The following SOS1 variants were observed in gnomAD, a reference collection of about 807,000 sequenced individuals.
The protein encoded by SOS1 is SOS Ras/Rac guanine nucleotide exchange factor 1.
In SOS1, 25 loss-of-function variants were observed where a neutral mutation model predicts 157.6. The observed-to-expected ratio is 0.16, with a 90% CI of 0.12 to 0.22. The LOEUF is 0.22. SOS1 is among the 10% of genes least tolerant of loss of function. The probability of loss-of-function intolerance (pLI) is 1.00; values close to 1 mark genes in which losing one functional copy is unlikely to be tolerated. For missense variants in SOS1, 1,237 were observed against 1,599.1 expected (o/e 0.77, Z 3.86); for synonymous variants, 528 against 534.0 (o/e 0.99, Z 0.16).
intron 1 of SOS1, among the ~76,000 whole-genome samples, chr2:39,110,412 T>C (rs977537544): frequency 9.2e-5 from 13 of 141,140 alleles, no homozygotes; most frequent in Non-Finnish European, 1.6e-4. Context: ...GAGGACTGAC[T>C]GCATATATAC....
intron 1 of SOS1, among the ~76,000 whole-genome samples, chr2:39,077,438 T>C (rs113759667): frequency 0.01 from 1,597 of 152,294 alleles, 9 homozygotes; most frequent in Middle Eastern, 0.027. Context: ...AAGATGTCAA[T>C]TGTCCTATAC....
intron 1 of SOS1, among the ~76,000 whole-genome samples, chr2:39,094,352 A>G (rs1212276765): frequency 6.6e-6 from 1 of 152,126 alleles, no homozygotes; most frequent in African/African-American, 2.4e-5. Context: ...ATAATTTTTT[A>G]AGAGTGTGAA....
chr2:39,027,137 T>C (rs957385009), intron 8 of SOS1, among the ~76,000 whole-genome samples: 2 of 152,236 alleles, frequency 1.3e-5, no homozygotes, highest in African/African-American at 4.8e-5. Context: ...CCTGGATACA[T>C]TTTTTATATT....
At chr2:39,101,651 A>T (rs534632399) in intron 1 of SOS1, among the ~76,000 whole-genome samples, 5 of 149,656 alleles carry the variant, frequency 3.3e-5, no homozygotes, top group South Asian at 2.1e-4. Flanking sequence ...AAATATACTT[A>T]AAAAAAAACA....
intron 10 of SOS1, among the ~76,000 whole-genome samples, chr2:39,020,971 A>T (rs534396762): frequency 4.3e-5 from 6 of 138,698 alleles, no homozygotes; most frequent in South Asian, 2.2e-4. Context: ...TTTTAAAAAC[A>T]TTTTTTTTAA....
chr2:39,109,363 T>A (rs1200475285), intron 1 of SOS1, among the ~76,000 whole-genome samples: 3 of 152,178 alleles, frequency 2.0e-5, no homozygotes, highest in Non-Finnish European at 2.9e-5. Context: ...TTAACCAGCA[T>A]CTTTTAAAAT....
upstream of SOS1, among the ~76,000 whole-genome samples, chr2:39,121,933 C>A (rs1407214523): frequency 1.3e-5 from 2 of 152,108 alleles, no homozygotes; most frequent in Non-Finnish European, 2.9e-5. Flanking sequence ...CTCATTTAAT[C>A]CCCATAGCAA....
In SOS1 at chr2:38,985,960, C is replaced by T; in HGVS notation, c.3866G>A (p.Gly1289Glu). 26 of 1,613,844 alleles carry T rather than the reference C, an allele frequency of 1.6e-5. No homozygotes were observed. Among genetic ancestry groups the T allele is most frequent in the Non-Finnish European group, 2.2e-5 (26 of 1,179,860 alleles). ...GCTTTGTCGTGGAGGAACAGGCGGC[C>T]CAGCAATGGAATGAAGGTCCACTTC... The part of the protein sequence containing the change: ...TQEVDLHSIA[G>E]PPVPPRQSTS... Residue 1289 changes from glycine to glutamate, a missense_variant, in exon 23 of 23, where the codon GGG (glycine) becomes GAG (glutamate). Physicochemically the swap from Gly to Glu is moderately conservative, Grantham distance 98. Coordinates refer to ENST00000402219, the MANE Select transcript of SOS1 (RefSeq NM_005633.4).
intron 1 of SOS1, among the ~76,000 whole-genome samples, chr2:39,090,045 C>T (rs1194771246): frequency 2.7e-5 from 4 of 150,502 alleles, no homozygotes; most frequent in African/African-American, 9.8e-5. Flanking sequence ...GAGGCTGAGG[C>T]CAGAGAATCA....
At chr2:39,005,353 T>A (rs987916522) in intron 17 of SOS1, among the ~76,000 whole-genome samples, 1 of 152,208 alleles carries the variant, frequency 6.6e-6, no homozygotes, top group African/African-American at 2.4e-5. Context: ...AGAAAAATAG[T>A]ATAAATGAAA....
rs368569135 is a variant in SOS1 at position 39,120,324 on chromosome 2, C to A, written c.87+12G>T. ...GCTGCGGCCGGGAAGCGGGGTCCCG[C>A]GTGCTCCTCACCTTTTTCAGCGCAG... is the stretch of plus-strand genomic sequence containing the variant. On this transcript the variant is annotated intron_variant, in intron 1 of 22. Transcript: ENST00000402219. The A allele has an allele frequency of 5.7e-6, 9 of 1,569,084 alleles. No homozygotes were observed. Among genetic ancestry groups the A allele is most frequent in the African/African-American group, 1.4e-5 (1 of 72,490 alleles).
chr2:39,022,118 C>G (rs1156858255), intron 10 of SOS1, among the ~76,000 whole-genome samples: 1 of 151,400 alleles, frequency 6.6e-6, no homozygotes, highest in Non-Finnish European at 1.5e-5. Flanking sequence ...ATTAAATAAT[C>G]AGGTTTAGGA....
intron 15 of SOS1, among the ~76,000 whole-genome samples, chr2:39,007,844 C>G (rs1352557049): frequency 2.0e-5 from 3 of 152,130 alleles, no homozygotes; most frequent in African/African-American, 7.2e-5. Flanking sequence ...TGCACACGCA[C>G]ACACACACAT....
intron 6 of SOS1, among the ~76,000 whole-genome samples, chr2:39,050,084 T>A (rs1171882185): frequency 6.6e-6 from 1 of 152,178 alleles, no homozygotes; most frequent in African/African-American, 2.4e-5. Flanking sequence ...TACTTATGTG[T>A]GTTTGGAGCA....
chr2:39,099,362 A>T (rs1672885214), intron 1 of SOS1, among the ~76,000 whole-genome samples: 1 of 152,226 alleles, frequency 6.6e-6, no homozygotes, highest in Non-Finnish European at 1.5e-5. Context: ...ACTACATATT[A>T]TGAGTCCATT....
chr2:39,112,213 T>G (rs536988292), intron 1 of SOS1, among the ~76,000 whole-genome samples: 1 of 152,238 alleles, frequency 6.6e-6, no homozygotes, highest in African/African-American at 2.4e-5. Flanking sequence ...TGCAACCAAC[T>G]GTCTTCTCTC....
In SOS1 at chr2:39,059,415, A is replaced by T. The variant is rs954812911; in HGVS notation, c.214-611T>A. Among the ~76,000 whole-genome samples the T allele has an allele frequency of 3.3e-5, 5 of 152,310 alleles. 1 individual carries two copies. In the South Asian group the frequency reaches 1.0e-3, roughly 32 times the overall value. On this transcript the variant is annotated intron_variant, in intron 2 of 22. Transcript: ENST00000402219. Reference sequence around the variant, plus strand: ...TTCTTTAGTTAAAATTTCCACTGAGAGTGAAAGAACTCAGGTTACTATCAC... The same window carrying T: ...TTCTTTAGTTAAAATTTCCACTGAGTGTGAAAGAACTCAGGTTACTATCAC...
intron 1 of SOS1, among the ~76,000 whole-genome samples, chr2:39,091,797 G>A (rs1048755830): frequency 1.3e-5 from 2 of 152,082 alleles, no homozygotes; most frequent in African/African-American, 4.8e-5. Context: ...CATCTCATCT[G>A]ACCTCTTGGC....
intron 6 of SOS1, among the ~76,000 whole-genome samples, chr2:39,045,796 C>A (rs938203760): frequency 6.6e-6 from 1 of 152,158 alleles, no homozygotes; most frequent in Non-Finnish European, 1.5e-5. Flanking sequence ...CGCAACTCCG[C>A]CTCCTGGCTT....
Sources: allele counts gnomAD v4.1 joint callset (sites outside exome capture counted in the v4.1 genomes callset), GRCh38; gene constraint gnomAD v4.1.1; transcripts MANE v1.5; gene names NCBI Gene and HGNC (gene_info 2026-07-23, HGNC 2026-07-21).